Variants in ST7 observed in about 807,000 individuals in gnomAD.
ST7 encodes suppression of tumorigenicity 7.
Under a neutral mutation model 78.7 loss-of-function variants are expected in ST7, and 28 were observed. The observed-to-expected ratio is 0.36, with a 90% confidence interval of 0.26 to 0.49. ST7 has a LOEUF of 0.49. Among genes scored for constraint, ST7 ranks in the 20% least tolerant of loss-of-function variants. ST7 has a pLI of 0.99. For missense variants in ST7, 418 were observed against 696.0 expected (o/e 0.60, Z 4.49); for synonymous variants, 247 against 249.6 (o/e 0.99, Z 0.10).
intron 1 of ST7, among the ~76,000 whole-genome samples, chr7:117,091,452 A>G (rs1200961259): frequency 1.3e-5 from 2 of 152,262 alleles, no homozygotes; most frequent in Admixed American, 1.3e-4. Context: ...TTTTATTTCC[A>G]TATTAAAAAA....
intron 1 of ST7, among the ~76,000 whole-genome samples, chr7:117,033,976 T>C (rs1796752609): frequency 6.6e-6 from 1 of 152,006 alleles, no homozygotes; most frequent in South Asian, 2.1e-4. Flanking sequence ...AGGGCCTCAC[T>C]CTGCACCCAG....
chr7:117,221,020 G>A (rs369763689), intron 14 of ST7, among the ~76,000 whole-genome samples: 75 of 152,104 alleles, frequency 4.9e-4, no homozygotes, highest in African/African-American at 1.7e-3. Flanking sequence ...TGTTTCTCAC[G>A]TGCAGTTTCA....
chr7:116,967,917 G>A (rs1187864297), intron 1 of ST7, among the ~76,000 whole-genome samples: 3 of 152,148 alleles, frequency 2.0e-5, no homozygotes, highest in South Asian at 4.1e-4. Flanking sequence ...ATAGTTACAT[G>A]TATGTCCTCT....
chr7:117,180,270 C>T (rs1378576492), intron 10 of ST7, among the ~76,000 whole-genome samples: 1 of 152,040 alleles, frequency 6.6e-6, no homozygotes, highest in Non-Finnish European at 1.5e-5. Flanking sequence ...TCTGCTGAGT[C>T]GTTAACAATG....
intron 1 of ST7, among the ~76,000 whole-genome samples, chr7:117,049,972 C>T (rs541529289): frequency 2.6e-5 from 4 of 151,088 alleles, no homozygotes; most frequent in South Asian, 2.1e-4. Context: ...TTTGGGAGGC[C>T]GAGGCAGGTG....
intron 9 of ST7, among the ~76,000 whole-genome samples, chr7:117,165,049 T>C (rs1408549306): frequency 2.0e-5 from 3 of 152,058 alleles, no homozygotes; most frequent in Non-Finnish European, 2.9e-5. Context: ...GTGAAAACAG[T>C]TTGAGCAGAA....
intron 12 of ST7, 140 bp from the exon 13 acceptor site, chr7:117,209,647 T>C: frequency 1.0e-6 from 1 of 969,184 alleles, no homozygotes; most frequent in Non-Finnish European, 1.5e-6. Context: ...AGTAATTGCC[T>C]TCAAATGTAG....
chr7:117,033,933 T>G (rs1796748910), intron 1 of ST7, among the ~76,000 whole-genome samples: 1 of 152,080 alleles, frequency 6.6e-6, no homozygotes, highest in South Asian at 2.1e-4. Flanking sequence ...GTTTTTATTG[T>G]TGTTGTTCTT....
intron 1 of ST7, among the ~76,000 whole-genome samples, chr7:117,097,892 ATATATATATATATATATTTT>A (rs1361966537): frequency 3.4e-4 from 7 of 20,698 alleles, no homozygotes; most frequent in Non-Finnish European, 5.5e-4. Flanking sequence ...ATATATATAT[ATATATATATATATATATTTT>A]TTTTTTTTTT....
intron 14 of ST7, among the ~76,000 whole-genome samples, chr7:117,220,751 A>G (rs1045082380): frequency 1.6e-4 from 25 of 152,194 alleles, no homozygotes; most frequent in Non-Finnish European, 7.3e-5. Context: ...TTGCACATTA[A>G]AAGTATAATT....
chr7:116,968,579 C>T (rs1381359747), intron 1 of ST7: 8 of 305,540 alleles, frequency 2.6e-5, no homozygotes, highest in East Asian at 1.6e-4. Flanking sequence ...ATACTATTAG[C>T]GAGTCGCAGT....
intron 1 of ST7, chr7:117,073,970 T>C (rs1264102217): frequency 6.6e-6 from 1 of 152,244 alleles, no homozygotes; most frequent in Non-Finnish European, 1.5e-5. Context: ...GATCATGGAA[T>C]TGGATTTTTG....
intron 1 of ST7, among the ~76,000 whole-genome samples, chr7:117,077,710 T>C (rs1320193181): frequency 6.6e-6 from 1 of 152,212 alleles, no homozygotes; most frequent in Non-Finnish European, 1.5e-5. Flanking sequence ...ATAATAGTTA[T>C]TATAGGCTGC....
rs74563260 is a variant in ST7, at chr7:117,115,281, A to G, written c.235-4280A>G. 4.2e-3 allele frequency among the ~76,000 whole-genome samples: 642 copies of G among 152,124 alleles called. 6 individuals are homozygous for G. The highest frequency in any genetic ancestry group is 0.015 in the African/African-American group (612 of 41,498). ...TATCACACTCTACTTTCCAAAATAG[A>G]ATGTCTCCCCCTATTCATTCTTCTT... On this transcript the variant is annotated intron_variant, in intron 2 of 15. Coordinates refer to ENST00000323984, the MANE Select transcript of ST7 (RefSeq NM_001369598.1).
At chr7:117,145,583 G>A (rs1805709625) in intron 9 of ST7, 1 of 152,132 alleles carries the variant, frequency 6.6e-6, no homozygotes, top group Non-Finnish European at 1.5e-5. Context: ...CTGTGTGTGT[G>A]TGTTTCTGTG....
At chr7:117,115,437 T>G (rs574070064) in intron 2 of ST7, among the ~76,000 whole-genome samples, 55 of 150,614 alleles carry the variant, frequency 3.7e-4, no homozygotes, top group Middle Eastern at 3.4e-3. Context: ...TCATTGCAAC[T>G]TCCGTCTCCC....
At chr7:117,007,467 G>T (rs1360591680) in intron 1 of ST7, among the ~76,000 whole-genome samples, 1 of 152,188 alleles carries the variant, frequency 6.6e-6, no homozygotes, top group Non-Finnish European at 1.5e-5. Context: ...TGGTTTATTT[G>T]GTTTAGTGAA....
At chr7:117,211,663 A>G (rs1329520028) in intron 13 of ST7, among the ~76,000 whole-genome samples, 2 of 152,046 alleles carry the variant, frequency 1.3e-5, no homozygotes, top group Middle Eastern at 3.4e-3. Flanking sequence ...TGATAAAGAC[A>G]TGGTATCACC....
chr7:117,067,798 C>A (rs1278065622), intron 1 of ST7, among the ~76,000 whole-genome samples: 1 of 152,182 alleles, frequency 6.6e-6, no homozygotes, highest in Non-Finnish European at 1.5e-5. Flanking sequence ...CCAAAACAGA[C>A]AATTCAGCTA....
Sources: allele counts gnomAD v4.1 joint callset (sites outside exome capture counted in the v4.1 genomes callset), GRCh38; gene constraint gnomAD v4.1.1; transcripts MANE v1.5; gene names NCBI Gene and HGNC (gene_info 2026-07-23, HGNC 2026-07-21).